Variants in LONP2 observed in about 807,000 individuals in gnomAD.
LONP2 encodes the protein lon protease homolog 2, peroxisomal.
Under a neutral mutation model 85.6 loss-of-function variants are expected in LONP2, and 60 were observed. The observed-to-expected ratio is 0.70, with a 90% CI of 0.57 to 0.87. The LOEUF is 0.87. Ranked by LOEUF, LONP2 falls within the 40% of genes least tolerant of loss-of-function variation. The pLI is 0.00. For missense variants in LONP2, 860 were observed against 1,063.5 expected, an observed-to-expected ratio of 0.81 and a Z score of 2.66; for synonymous variants, 395 against 389.7, an observed-to-expected ratio of 1.01 and a Z score of -0.16.
intron 12 of LONP2, chr16:48,345,733 A>G (rs2151031935): frequency 6.6e-6 from 1 of 152,314 alleles, no homozygotes; most frequent in African/African-American, 2.4e-5. Context: ...ATTTTTTTTA[A>G]TGTATGTTTA....
At chr16:48,295,525 G>A (rs1016687007) in intron 8 of LONP2, among the ~76,000 whole-genome samples, 2 of 152,074 alleles carry the variant, frequency 1.3e-5, no homozygotes, top group Non-Finnish European at 2.9e-5. Context: ...CTCTTATTTG[G>A]AATTCTCCTT....
intron 8 of LONP2, among the ~76,000 whole-genome samples, 198 bp from the exon 9 acceptor site, chr16:48,295,817 G>T (rs1972655333): frequency 1.3e-5 from 2 of 152,114 alleles, no homozygotes; most frequent in African/African-American, 4.8e-5. Context: ...TTTTGACACT[G>T]AACGTATTTT....
intron 11 of LONP2, among the ~76,000 whole-genome samples, chr16:48,319,819 C>T (rs995231307): frequency 1.1e-4 from 16 of 152,164 alleles, no homozygotes; most frequent in African/African-American, 3.9e-4. Flanking sequence ...GATATCTGGG[C>T]ACCATCTTGA....
chr16:48,299,093 T>C (rs889964907), intron 9 of LONP2, among the ~76,000 whole-genome samples: 7 of 151,968 alleles, frequency 4.6e-5, no homozygotes, highest in African/African-American at 1.7e-4. Context: ...GGTTTCGCCA[T>C]GTTGCCCAGG....
intron 10 of LONP2, among the ~76,000 whole-genome samples, chr16:48,300,157 A>G (rs1434313588): frequency 6.6e-6 from 1 of 152,246 alleles, no homozygotes; most frequent in Non-Finnish European, 1.5e-5. Context: ...GACACTTTTT[A>G]TGCCCAGGAT....
chr16:48,260,321 A>G (rs1971847787), intron 4 of LONP2, among the ~76,000 whole-genome samples: 1 of 152,198 alleles, frequency 6.6e-6, no homozygotes, highest in Non-Finnish European at 1.5e-5. Context: ...TCTGGGCTGA[A>G]TGCAGTGGCT....
At chr16:48,252,000 A>G (rs1375134777) in intron 1 of LONP2, 131 bp from the exon 2 acceptor site, 5 of 639,742 alleles carry the variant, frequency 7.8e-6, no homozygotes, top group Non-Finnish European at 9.7e-6. Context: ...AGTTAAATAG[A>G]GAAAAAATTT....
intron 11 of LONP2, among the ~76,000 whole-genome samples, chr16:48,307,407 A>G (rs934293095): frequency 2.4e-4 from 37 of 152,178 alleles, no homozygotes; most frequent in African/African-American, 8.7e-4. Context: ...TGTCCCATGT[A>G]TTTAATTTTG....
intron 11 of LONP2, among the ~76,000 whole-genome samples, chr16:48,319,034 C>T (rs138466561): frequency 2.0e-5 from 3 of 151,624 alleles, no homozygotes; most frequent in East Asian, 1.9e-4. Flanking sequence ...TTCTCGTCTA[C>T]GGCCATGAGT....
intron 8 of LONP2, 52 bp downstream of exon 8, chr16:48,277,531 A>C (rs753118982): frequency 3.7e-5 from 57 of 1,560,084 alleles, no homozygotes; most frequent in Non-Finnish European, 5.0e-5. Flanking sequence ...AGTATGGAGG[A>C]GGGTTGATAA....
rs1597005064 is a variant in LONP2 at position 48,348,346 on chromosome 16, A to T, written c.2337+56A>T. 5.1e-6 allele frequency: 6 copies of T among 1,173,574 alleles called. No individual in the cohort carries two copies. The East Asian group carries it at 1.9e-4, about 37-fold the overall frequency. The allele number at this position is 1,173,574 out of a possible 1,614,324, so 72.7% of individuals were successfully genotyped here. On this transcript the variant is annotated intron_variant, in intron 14 of 14. Coordinates refer to ENST00000285737, the MANE Select transcript of LONP2 (RefSeq NM_031490.5). ...TTTTTTATTTAATTTTTGAAAATTA[A>T]TATTATTTTTAAATACGGGTTTGCC...
At chr16:48,319,268 C>A (rs62059412) in intron 11 of LONP2, among the ~76,000 whole-genome samples, 1 of 152,028 alleles carries the variant, frequency 6.6e-6, no homozygotes, top group Non-Finnish European at 1.5e-5. Context: ...GTAATCTCAG[C>A]TACTTGGGAG....
chr16:48,277,347 T>C lies in LONP2; in HGVS notation c.1251T>C (p.Tyr417=). Residue 417 remains tyrosine (Y), a synonymous_variant, in exon 8 of 15, where the codon TAT becomes TAC. Transcript: ENST00000285737. ...QSDIRGHRRT[Y]VGSMPGRIIN... ...TACTTGCTTTCTCTAGGCGCACCTA[T>C]GTTGGCAGCATGCCTGGTCGCATCA... 6.2e-7 allele frequency: 1 copy of C among 1,613,514 alleles called. No individual in the cohort carries two copies. The highest frequency in any genetic ancestry group is 8.5e-7 in the Non-Finnish European group (1 of 1,179,684).
chr16:48,282,817 C>T (rs1253229829), intron 8 of LONP2, among the ~76,000 whole-genome samples: 1 of 152,002 alleles, frequency 6.6e-6, no homozygotes, highest in African/African-American at 2.4e-5. Flanking sequence ...GGAAGAGTCA[C>T]ACATCTCATT....
chr16:48,355,351 T>G lies in LONP2; in HGVS notation c.*3549T>G, dbSNP rs1037909935. On this transcript the variant is annotated 3_prime_UTR_variant, in exon 15 of 15. Transcript: ENST00000285737. ...GGAACCAATTACCTCCTTTTTGCCC[T>G]TCGATTCCCTTCCACCATATGAGGA... 2 of 152,146 alleles carry G rather than the reference T, an allele frequency of 1.3e-5. No homozygotes were observed. Among genetic ancestry groups the G allele is most frequent in the African/African-American group, 4.8e-5 (2 of 41,416 alleles). 9.4% of individuals were successfully genotyped at this position (152,146 alleles called of 1,614,324 possible). A position where few individuals can be genotyped will look rare whatever the true frequency, so the allele number is the denominator to read the frequency against.
Position 48,258,839 on chromosome 16 carries a change from C to T in LONP2, c.723+99C>T, listed in dbSNP as rs9931866. 9.2e-4 allele frequency: 1,017 copies of T among 1,104,744 alleles called. 4 individuals carry two copies. The African/African-American group carries it at 0.015, about 16-fold the overall frequency. The allele number at this position is 1,104,744 out of a possible 1,614,324, so 68.4% of individuals were successfully genotyped here. On this transcript the variant is annotated intron_variant, in intron 4 of 14. Coordinates refer to ENST00000285737, the MANE Select transcript of LONP2 (RefSeq NM_031490.5). Reference sequence around the variant, plus strand: ...AGTTTATTGTCTCCTACCACTCGCACTACTGATAAAATTTAGGTGTTTCCC... The same window carrying T: ...AGTTTATTGTCTCCTACCACTCGCATTACTGATAAAATTTAGGTGTTTCCC...
At chr16:48,324,368 C>T (rs1398473903) in intron 11 of LONP2, among the ~76,000 whole-genome samples, 1 of 152,142 alleles carries the variant, frequency 6.6e-6, no homozygotes, top group East Asian at 1.9e-4. Flanking sequence ...GTAAACATCT[C>T]CTCCTCACAC....
chr16:48,312,184 C>G (rs1973047517), intron 11 of LONP2, among the ~76,000 whole-genome samples: 1 of 152,108 alleles, frequency 6.6e-6, no homozygotes, highest in Non-Finnish European at 1.5e-5. Flanking sequence ...CTCAAGTGAT[C>G]CATCCACCTT....
chr16:48,264,021 G>T (rs866239426), intron 6 of LONP2, among the ~76,000 whole-genome samples: 1 of 152,172 alleles, frequency 6.6e-6, no homozygotes, highest in Non-Finnish European at 1.5e-5. Flanking sequence ...GTGCGAATAG[G>T]TGTGGGTGAC....
Sources: gnomAD v4.1 joint callset for allele counts (sites outside exome capture counted in the v4.1 genomes callset) on GRCh38, gnomAD v4.1.1 for gene constraint, MANE v1.5 for transcripts, NCBI Gene and HGNC (gene_info 2026-07-23, HGNC 2026-07-21) for gene names.